Variants in BMAL1 observed in about 807,000 individuals in gnomAD.
BMAL1 encodes the protein basic helix-loop-helix ARNT like 1, also known as basic helix-loop-helix ARNT-like protein 1.
chr11:13,304,485 T>A, the BMAL1 span, among the ~76,000 whole-genome samples: 2 of 152,250 alleles, frequency 1.3e-5, no homozygotes, highest in Non-Finnish European at 2.9e-5. Context: ...CTGAGTGTTC[T>A]CTGGGCCCTG....
the BMAL1 span, chr11:13,376,671 T>C: frequency 6.2e-7 from 1 of 1,613,966 alleles, no homozygotes; most frequent in South Asian, 1.1e-5. Context: ...GGACCCAACC[T>C]TCCCACAGCT....
the BMAL1 span, chr11:13,378,560 G>A: frequency 7.1e-7 from 1 of 1,415,936 alleles, no homozygotes; most frequent in South Asian, 1.3e-5. Flanking sequence ...TCACAACTGG[G>A]TGGGAGGTTG....
At chr11:13,355,447 G>GA in the BMAL1 span, among the ~76,000 whole-genome samples, 1 of 152,198 alleles carries the variant, frequency 6.6e-6, no homozygotes, top group Admixed American at 6.5e-5. Context: ...CAAGCGCTAA[G>GA]GGAGCCACTG....
the BMAL1 span, among the ~76,000 whole-genome samples, chr11:13,314,799 TG>T: frequency 6.6e-6 from 1 of 152,120 alleles, no homozygotes; most frequent in South Asian, 2.1e-4. Flanking sequence ...TGGCCCTTCA[TG>T]GGGGTGCCTG....
At chr11:13,376,624 G>A in the BMAL1 span, 14 of 1,613,562 alleles carry the variant, frequency 8.7e-6, no homozygotes, top group Non-Finnish European at 1.1e-5. Context: ...TTTCCTTATT[G>A]CTGGGATGTT....
chr11:13,371,607 T>C, the BMAL1 span, among the ~76,000 whole-genome samples: 15 of 152,358 alleles, frequency 9.8e-5, no homozygotes, highest in African/African-American at 2.9e-4. Context: ...GTTTCTGCAC[T>C]TAAATACCTG....
chr11:13,355,180 C>T, the BMAL1 span: 1 of 1,537,916 alleles, frequency 6.5e-7, no homozygotes, highest in Non-Finnish European at 8.9e-7. Context: ...GAGGGAAAAT[C>T]TCCGAGGAGG....
chr11:13,320,941 GAAGA>G, the BMAL1 span, among the ~76,000 whole-genome samples: 5 of 152,340 alleles, frequency 3.3e-5, no homozygotes, highest in South Asian at 8.3e-4. Flanking sequence ...GTTCGACAGA[GAAGA>G]TAGACCATAA....
the BMAL1 span, among the ~76,000 whole-genome samples, chr11:13,302,688 A>T: frequency 6.6e-6 from 1 of 152,014 alleles, no homozygotes; most frequent in Non-Finnish European, 1.5e-5. Context: ...TGTTTCTTAA[A>T]AGGCACAAAG....
the BMAL1 span, chr11:13,369,492 A>G: frequency 8.9e-7 from 1 of 1,123,334 alleles, no homozygotes; most frequent in Middle Eastern, 2.8e-4. Context: ...CTTGGGAGAT[A>G]TTTATCTCAT....
At chr11:13,376,654 A>G in the BMAL1 span, 1 of 1,614,054 alleles carries the variant, frequency 6.2e-7, no homozygotes, top group Non-Finnish European at 8.5e-7. Flanking sequence ...AACGTCCTGG[A>G]AGGCGGGGAC....
chr11:13,356,107 G>C, the BMAL1 span, among the ~76,000 whole-genome samples: 2 of 152,142 alleles, frequency 1.3e-5, no homozygotes, highest in African/African-American at 4.8e-5. Flanking sequence ...GATCCTTGCT[G>C]TGACCCCAGG....
chr11:13,297,614 G>A, the BMAL1 span, among the ~76,000 whole-genome samples: 1 of 152,130 alleles, frequency 6.6e-6, no homozygotes, highest in Non-Finnish European at 1.5e-5. Flanking sequence ...GTCCCCATGT[G>A]TCCCCAGGGG....
At chr11:13,324,998 G>C in the BMAL1 span, among the ~76,000 whole-genome samples, 2 of 152,358 alleles carry the variant, frequency 1.3e-5, no homozygotes, top group South Asian at 4.1e-4. Flanking sequence ...GATGCTGAGT[G>C]TTGTGCTAGA....
the BMAL1 span, among the ~76,000 whole-genome samples, chr11:13,312,882 G>A: frequency 6.6e-6 from 1 of 152,206 alleles, no homozygotes; most frequent in Non-Finnish European, 1.5e-5. Context: ...ACAGGACAAG[G>A]TCTCTGCTGT....
the BMAL1 span, chr11:13,372,203 T>C: frequency 6.2e-7 from 1 of 1,614,162 alleles, no homozygotes; most frequent in Non-Finnish European, 8.5e-7. Flanking sequence ...GCACAGGCTA[T>C]TTGAAAAGCT....
the BMAL1 span, among the ~76,000 whole-genome samples, chr11:13,321,006 A>G: frequency 3.9e-5 from 6 of 152,222 alleles, no homozygotes; most frequent in African/African-American, 1.4e-4. Flanking sequence ...ATTGTTTTTT[A>G]TGTACATGTT....
the BMAL1 span, among the ~76,000 whole-genome samples, chr11:13,344,304 A>C: frequency 6.6e-6 from 1 of 152,192 alleles, no homozygotes; most frequent in Non-Finnish European, 1.5e-5. Context: ...CGCCTTCCTC[A>C]AGACACTTGA....
the BMAL1 span, chr11:13,356,202 T>C: frequency 4.0e-4 from 179 of 450,616 alleles, no homozygotes; most frequent in Non-Finnish European, 8.9e-5. Flanking sequence ...AAGCAGAATA[T>C]TTGGCAGTAG....
Sources: gnomAD v4.1 joint callset for allele counts (sites outside exome capture counted in the v4.1 genomes callset) on GRCh38, gnomAD v4.1.1 for gene constraint, MANE v1.5 for transcripts, NCBI Gene and HGNC (gene_info 2026-07-23, HGNC 2026-07-21) for gene names.